Variants in BMPER observed in about 807,000 individuals in gnomAD.
BMPER encodes BMP binding endothelial regulator, also known as BMP-binding endothelial regulator protein.
BMPER carries 45 observed loss-of-function variants against 87.3 expected under a neutral mutation model. The ratio of observed to expected loss-of-function variants is 0.52; its 90% CI spans 0.41 to 0.66. The LOEUF (loss-of-function observed/expected upper bound fraction) is 0.66, where lower values mean the gene tolerates loss of function less well. BMPER is among the 30% of genes least tolerant of loss of function. BMPER has a pLI of 0.00. For missense variants in BMPER, 784 were observed against 867.5 expected (o/e 0.90, Z 1.21); for synonymous variants, 326 against 316.2 (o/e 1.03, Z -0.33).
rs947789699 is a variant in BMPER at position 33,919,151 on chromosome 7, G to A, written c.219+12248G>A. On this transcript the variant is annotated intron_variant, in intron 2 of 14. Coordinates refer to ENST00000649409, the MANE Select transcript of BMPER (RefSeq NM_001365308.1). ...AAAAAAAATTTTCTTAAATTACTTTGCATGTTAATGGGTCATGTTACAGAA... is the reference window on the plus strand; with the variant it reads ...AAAAAAAATTTTCTTAAATTACTTTACATGTTAATGGGTCATGTTACAGAA... Among the ~76,000 whole-genome samples, 6 of 152,178 alleles carry A rather than the reference G, an allele frequency of 3.9e-5. No homozygotes were observed. The East Asian group carries it at 1.2e-3, about 29-fold the overall frequency.
chr7:33,983,518 A>G (rs1174204458), intron 6 of BMPER, among the ~76,000 whole-genome samples: 2 of 152,206 alleles, frequency 1.3e-5, no homozygotes, highest in Non-Finnish European at 2.9e-5. Context: ...TACATATAGT[A>G]TATAATGTTA....
chr7:34,076,508 A>G (rs1358370594), intron 11 of BMPER, among the ~76,000 whole-genome samples: 3 of 152,142 alleles, frequency 2.0e-5, no homozygotes, highest in Non-Finnish European at 4.4e-5. Flanking sequence ...TTAACATGTC[A>G]TAAGCATTTC....
chr7:34,027,942 G>A (rs1407160041), intron 6 of BMPER, among the ~76,000 whole-genome samples: 16 of 151,966 alleles, frequency 1.1e-4, no homozygotes, highest in Admixed American at 1.0e-3. Context: ...CCACATGACT[G>A]ATGCATGCTG....
chr7:33,942,783 C>G (rs544781200), intron 3 of BMPER, among the ~76,000 whole-genome samples: 131 of 152,178 alleles, frequency 8.6e-4, no homozygotes, highest in Middle Eastern at 3.4e-3. Flanking sequence ...TCTCTCTGAC[C>G]CTTTGCTGTC....
rs116533690 is a variant in BMPER at position 34,078,608 on chromosome 7, C to T, written c.1079-249C>T. Among the ~76,000 whole-genome samples the T allele has an allele frequency of 7.8e-3, 1,189 of 152,256 alleles. 11 individuals are homozygous for T. Among genetic ancestry groups the T allele is most frequent in the African/African-American group, 0.025 (1,059 of 41,532 alleles). On this transcript the variant is annotated intron_variant, in intron 11 of 14. Coordinates refer to ENST00000649409, the MANE Select transcript of BMPER (RefSeq NM_001365308.1). ...TTAAGATCATGGAAGCATATCTAGG[C>T]TACAAAATAGGCATGCTTTGAAAAT...
intron 6 of BMPER, among the ~76,000 whole-genome samples, chr7:34,012,497 G>A (rs1404935298): frequency 1.3e-5 from 2 of 151,834 alleles, no homozygotes; most frequent in Non-Finnish European, 1.5e-5. Flanking sequence ...CCAAAAAAGA[G>A]CAGAAGATAT....
At chr7:34,118,421 A>G (rs1220549893) in intron 13 of BMPER, among the ~76,000 whole-genome samples, 4 of 152,216 alleles carry the variant, frequency 2.6e-5, no homozygotes, top group African/African-American at 7.2e-5. Flanking sequence ...TTTTTAATGC[A>G]AGGCGTTCCA....
At chr7:34,114,310 C>T (rs1171237271) in intron 13 of BMPER, among the ~76,000 whole-genome samples, 2 of 152,184 alleles carry the variant, frequency 1.3e-5, no homozygotes, top group Non-Finnish European at 2.9e-5. Context: ...TGGCTGTGTT[C>T]AACAGTTGTT....
At chr7:34,086,936 G>A (rs559205306) in intron 13 of BMPER, among the ~76,000 whole-genome samples, 3 of 152,218 alleles carry the variant, frequency 2.0e-5, no homozygotes, top group Non-Finnish European at 4.4e-5. Context: ...AGCCCAAAAG[G>A]CCTTGTTTAA....
At chr7:34,025,150 G>C (rs1036821867) in intron 6 of BMPER, among the ~76,000 whole-genome samples, 1 of 152,082 alleles carries the variant, frequency 6.6e-6, no homozygotes, top group Non-Finnish European at 1.5e-5. Flanking sequence ...AAAGTGGTTT[G>C]TTCTTCCTTA....
At chr7:33,986,671 G>A (rs892642421) in intron 6 of BMPER, among the ~76,000 whole-genome samples, 2 of 152,146 alleles carry the variant, frequency 1.3e-5, no homozygotes, top group Non-Finnish European at 2.9e-5. Context: ...GATGGAACGG[G>A]GGGTGAGCTC....
At chr7:33,914,155 C>T (rs1424676016) in intron 2 of BMPER, among the ~76,000 whole-genome samples, 7 of 151,812 alleles carry the variant, frequency 4.6e-5, no homozygotes, top group East Asian at 1.9e-4. Flanking sequence ...TTAGTAGAGA[C>T]GGGGTTTCAC....
At chr7:34,068,333 A>G (rs1236929944) in intron 11 of BMPER, among the ~76,000 whole-genome samples, 1 of 152,234 alleles carries the variant, frequency 6.6e-6, no homozygotes, top group Admixed American at 6.5e-5. Context: ...CATTTTGTAC[A>G]GTTTGATAAC....
chr7:33,992,143 C>T (rs1469630752), intron 6 of BMPER, among the ~76,000 whole-genome samples: 1 of 151,322 alleles, frequency 6.6e-6, no homozygotes, highest in African/African-American at 2.4e-5. Flanking sequence ...CCACTTGGTG[C>T]AGAGCTGAGT....
At chr7:33,926,415 G>C (rs1784363473) in intron 2 of BMPER, among the ~76,000 whole-genome samples, 1 of 152,130 alleles carries the variant, frequency 6.6e-6, no homozygotes, top group Non-Finnish European at 1.5e-5. Flanking sequence ...AATTATGGTT[G>C]ATATTTTCCT....
chr7:34,094,203 C>G (rs1348806339), intron 13 of BMPER, among the ~76,000 whole-genome samples: 1 of 152,230 alleles, frequency 6.6e-6, no homozygotes, highest in Non-Finnish European at 1.5e-5. Context: ...AGCTGAACAC[C>G]TGCTACATGC....
At chr7:34,018,058 A>G (rs991208284) in intron 6 of BMPER, among the ~76,000 whole-genome samples, 1 of 151,804 alleles carries the variant, frequency 6.6e-6, no homozygotes, top group Non-Finnish European at 1.5e-5. Context: ...AAAATCCACT[A>G]CTTATCCTGT....
chr7:33,968,960 G>A (rs1462041303), intron 4 of BMPER, among the ~76,000 whole-genome samples: 1 of 152,136 alleles, frequency 6.6e-6, no homozygotes, highest in Non-Finnish European at 1.5e-5. Context: ...TTTTTGCATT[G>A]CTTCAGTTAT....
chr7:34,108,669 A>G (rs1204991138), intron 13 of BMPER, among the ~76,000 whole-genome samples: 1 of 152,060 alleles, frequency 6.6e-6, no homozygotes, highest in Non-Finnish European at 1.5e-5. Context: ...TTTGGACTAC[A>G]TTTTTCTGTC....
Sources: gnomAD v4.1 joint callset for allele counts (sites outside exome capture counted in the v4.1 genomes callset) on GRCh38, gnomAD v4.1.1 for gene constraint, MANE v1.5 for transcripts, NCBI Gene and HGNC (gene_info 2026-07-23, HGNC 2026-07-21) for gene names.